SLC36A1: variants seen among roughly 807,000 people sequenced by gnomAD.
SLC36A1 encodes solute carrier family 36 member 1, also known as proton-coupled amino acid transporter 1.
In SLC36A1, 30 loss-of-function variants were observed where a neutral mutation model predicts 47.5. The observed-to-expected ratio is 0.63, with a 90% CI of 0.47 to 0.86. The LOEUF (loss-of-function observed/expected upper bound fraction) is 0.86. Ranked by LOEUF, SLC36A1 falls within the 40% of genes least tolerant of loss-of-function variation. The pLI, the probability that SLC36A1 is intolerant of heterozygous loss-of-function variation, is 0.00. For missense variants in SLC36A1, 517 were observed against 606.0 expected (o/e 0.85, Z 1.54); for synonymous variants, 255 against 249.7 (o/e 1.02, Z -0.20).
chr5:151,377,668 TA>T, the SLC36A1 span, among the ~76,000 whole-genome samples: 2 of 152,206 alleles, frequency 1.3e-5, no homozygotes, highest in East Asian at 3.8e-4. Context: ...TCTTTAGGTC[TA>T]GTAATACTTG....
At chr5:151,506,167 C>A in the SLC36A1 span, 1 of 1,456,686 alleles carries the variant, frequency 6.9e-7, no homozygotes, top group Non-Finnish European at 9.0e-7. Flanking sequence ...TCTATAGCAA[C>A]TATATATAAC....
chr5:151,498,824 C>T, the SLC36A1 span, among the ~76,000 whole-genome samples: 2 of 152,182 alleles, frequency 1.3e-5, no homozygotes, highest in Non-Finnish European at 2.9e-5. Context: ...TGGCTGGGCC[C>T]CTGTGGACCC....
chr5:151,516,700 A>C, the SLC36A1 span, among the ~76,000 whole-genome samples: 1 of 152,178 alleles, frequency 6.6e-6, no homozygotes, highest in Non-Finnish European at 1.5e-5. Context: ...TGTCTTTTTC[A>C]CTGATGAGAC....
At chr5:151,531,788 C>T in the SLC36A1 span, 26 of 1,612,776 alleles carry the variant, frequency 1.6e-5, no homozygotes, top group African/African-American at 2.4e-4. This position sits in a 1 kb window ranked among gnomAD's most constrained non-coding sequence, Gnocchi z 5.7. Context: ...GAGACTGTGA[C>T]GGTGCCCAGC....
the SLC36A1 span, chr5:151,522,057 C>G: frequency 3.1e-6 from 5 of 1,598,254 alleles, no homozygotes; most frequent in South Asian, 1.1e-5. Context: ...ACGTCAAAGA[C>G]GAGAGGGGAG....
the SLC36A1 span, chr5:151,540,554 GCCAGGCTCTCA>G: frequency 6.3e-7 from 1 of 1,593,888 alleles, no homozygotes; most frequent in Non-Finnish European, 8.6e-7. Flanking sequence ...TCCACCCCTC[GCCAGGCTCTCA>G]CCTGTGAACA....
At chr5:151,393,563 G>T in the SLC36A1 span, among the ~76,000 whole-genome samples, 1 of 152,158 alleles carries the variant, frequency 6.6e-6, no homozygotes, top group Non-Finnish European at 1.5e-5. Flanking sequence ...TCCATGTTGA[G>T]TCCTTCCTTC....
chr5:151,391,863 C>A, the SLC36A1 span, among the ~76,000 whole-genome samples: 23 of 152,054 alleles, frequency 1.5e-4, no homozygotes, highest in Admixed American at 1.5e-3. Flanking sequence ...CTAAAATTTT[C>A]TTTTTTTGTT....
the SLC36A1 span, among the ~76,000 whole-genome samples, chr5:151,508,978 C>A: frequency 0.041 from 6,311 of 152,188 alleles, 136 homozygotes; most frequent in Non-Finnish European, 0.049. Context: ...TCTTTAAAGG[C>A]TCCCAAGTTT....
the SLC36A1 span, among the ~76,000 whole-genome samples, chr5:151,385,037 T>TGTGA: frequency 1.4e-5 from 2 of 142,112 alleles, no homozygotes; most frequent in Admixed American, 6.9e-5. Context: ...TGTGTGTGTG[T>TGTGA]GAGAGAGAGA....
At chr5:151,457,260 GT>G (rs1754688158) in intron 1 of SLC36A1, among the ~76,000 whole-genome samples, 1 of 151,932 alleles carries the variant, frequency 6.6e-6, no homozygotes, top group South Asian at 2.1e-4. Flanking sequence ...TGCAGGGCAG[GT>G]TACTTCATCT....
chr5:151,380,899 G>A, the SLC36A1 span: 8 of 414,784 alleles, frequency 1.9e-5, no homozygotes, highest in African/African-American at 1.2e-4. Context: ...GGACGGGGCT[G>A]CACCTGATGC....
chr5:151,357,083 T>G, the SLC36A1 span, among the ~76,000 whole-genome samples: 1 of 152,262 alleles, frequency 6.6e-6, no homozygotes, highest in African/African-American at 2.4e-5. Flanking sequence ...ATGTTACAGA[T>G]AAGGAACTCG....
In SLC36A1 at chr5:151,457,027, C is replaced by T. The variant is rs142781679; in HGVS notation, c.-5-1761C>T. ...AGCCACATGCCGGAGGACAGTCTGA[C>T]GGGCAAGTAGCTGTGCCAGTCTGCC... On this transcript the variant is annotated intron_variant, in intron 1 of 10. Transcript: ENST00000243389. Among the ~76,000 whole-genome samples the T allele has an allele frequency of 1.8e-3, 273 of 152,286 alleles. 1 individual carries two copies. Among genetic ancestry groups the T allele is most frequent in the Non-Finnish European group, 3.0e-3 (206 of 68,020 alleles).
At chr5:151,486,564 G>A (rs1040303798) in intron 10 of SLC36A1, among the ~76,000 whole-genome samples, 3 of 152,234 alleles carry the variant, frequency 2.0e-5, no homozygotes, top group Admixed American at 1.3e-4. Flanking sequence ...AGCAGTGATC[G>A]ATGTAGACAT....
the SLC36A1 span, among the ~76,000 whole-genome samples, chr5:151,391,613 G>C: frequency 1.3e-5 from 2 of 152,210 alleles, no homozygotes; most frequent in African/African-American, 2.4e-5. Context: ...TAGCATGAAG[G>C]GCTGTTGAAT....
At chr5:151,523,998 A>G in the SLC36A1 span, among the ~76,000 whole-genome samples, 26 of 152,206 alleles carry the variant, frequency 1.7e-4, no homozygotes, top group Admixed American at 8.5e-4. Context: ...CAATTTACAT[A>G]CAAAATATGT....
upstream of SLC36A1, among the ~76,000 whole-genome samples, chr5:151,445,342 T>C (rs1752856933): frequency 6.6e-6 from 1 of 152,252 alleles, no homozygotes; most frequent in African/African-American, 2.4e-5. Context: ...CACTTGGTCA[T>C]GATACATAAT....
chr5:151,351,498 T>C, the SLC36A1 span, among the ~76,000 whole-genome samples: 1 of 152,026 alleles, frequency 6.6e-6, no homozygotes, highest in Non-Finnish European at 1.5e-5. Context: ...GGAGAGTGAA[T>C]TGCGGATGAG....
Sources: allele counts gnomAD v4.1 joint callset (sites outside exome capture counted in the v4.1 genomes callset), GRCh38; gene constraint gnomAD v4.1.1; non-coding constraint Gnocchi (gnomAD v3.1); transcripts MANE v1.5; gene names NCBI Gene and HGNC (gene_info 2026-07-23, HGNC 2026-07-21).